COBLL1: variants seen among roughly 807,000 people sequenced by gnomAD.
COBLL1 encodes the protein cordon-bleu protein-like 1.
In COBLL1, 50 loss-of-function variants were observed where a neutral mutation model predicts 94.8. The observed-to-expected ratio is 0.53, with a 90% confidence interval of 0.42 to 0.67. The LOEUF (loss-of-function observed/expected upper bound fraction) is 0.67. COBLL1 is among the 30% of genes least tolerant of loss of function. The pLI, the probability that COBLL1 is intolerant of heterozygous loss-of-function variation, is 0.00. For missense variants in COBLL1, 1,362 were observed against 1,348.7 expected (o/e 1.01, Z -0.15); for synonymous variants, 448 against 473.8 (o/e 0.95, Z 0.71).
intron 2 of COBLL1, among the ~76,000 whole-genome samples, chr2:164,783,111 C>T (rs1051674314): frequency 3.3e-5 from 5 of 152,004 alleles, no homozygotes; most frequent in African/African-American, 1.2e-4. Context: ...TTCAGAAAGG[C>T]AAGATGAAGG....
intron 7 of COBLL1, among the ~76,000 whole-genome samples, chr2:164,718,896 T>C (rs755631822): frequency 2.6e-5 from 4 of 151,894 alleles, no homozygotes; most frequent in South Asian, 4.2e-4. Context: ...TGGTTAGAGA[T>C]AGAAGTATCC....
chr2:164,696,471 G>A (rs1017074901), intron 11 of COBLL1: 1 of 152,080 alleles, frequency 6.6e-6, no homozygotes, highest in African/African-American at 2.4e-5. Context: ...GCTGTTAGAG[G>A]ACTTTATTTT....
intron 2 of COBLL1, among the ~76,000 whole-genome samples, chr2:164,776,567 GT>G (rs34783312): frequency 1.3e-5 from 2 of 150,776 alleles, no homozygotes; most frequent in South Asian, 2.1e-4. Context: ...ATTTATCACT[GT>G]TTTTTTTTAA....
downstream of COBLL1, among the ~76,000 whole-genome samples, chr2:164,678,604 T>C (rs1431207386): frequency 6.6e-6 from 1 of 152,108 alleles, no homozygotes; most frequent in Non-Finnish European, 1.5e-5. Flanking sequence ...ATGCATTCAA[T>C]TATGTTAATA....
intron 2 of COBLL1, among the ~76,000 whole-genome samples, chr2:164,830,443 T>C (rs2105380272): frequency 6.6e-6 from 1 of 152,310 alleles, no homozygotes; most frequent in African/African-American, 2.4e-5. Context: ...ATGCATAACC[T>C]TAGTGTACTA....
chr2:164,796,907 C>T (rs1341516809), intron 2 of COBLL1, among the ~76,000 whole-genome samples: 2 of 151,892 alleles, frequency 1.3e-5, no homozygotes, highest in Non-Finnish European at 2.9e-5. Flanking sequence ...CCCAGGAGTT[C>T]AAGGTTACTG....
At chr2:164,824,535 T>C (rs1021875680) in intron 2 of COBLL1, among the ~76,000 whole-genome samples, 3 of 152,210 alleles carry the variant, frequency 2.0e-5, no homozygotes, top group Admixed American at 6.5e-5. Flanking sequence ...AAGTCCATTA[T>C]GCACGTTCAC....
chr2:164,680,839 T>G lies in COBLL1; in HGVS notation c.*5107A>C, dbSNP rs1683007468. The stretch of plus-strand genomic sequence containing the variant: ...TTGCAATCCTGTGAAATAGACAAAT[T>G]TAATGACCTTCTGAAGGGGGTCTAG... On this transcript the variant is annotated 3_prime_UTR_variant, in exon 14 of 14. Coordinates refer to ENST00000652658, the MANE Select transcript of COBLL1 (RefSeq NM_001365672.2). The G allele has an allele frequency of 6.6e-6, 1 of 152,122 alleles. No individual in the cohort carries two copies. The highest frequency in any genetic ancestry group is 2.1e-4 in the South Asian group (1 of 4,826). The allele number at this position is 152,122 out of a possible 1,614,324, so 9.4% of individuals were successfully genotyped here.
chr2:164,771,994 G>A (rs903691821), intron 2 of COBLL1: 7 of 151,746 alleles, frequency 4.6e-5, no homozygotes, highest in African/African-American at 1.2e-4. Flanking sequence ...TCTAAAGAAC[G>A]TATGCATAGT....
At chr2:164,698,275 T>C (rs1027986420) in intron 11 of COBLL1, 7 of 151,816 alleles carry the variant, frequency 4.6e-5, no homozygotes, top group African/African-American at 1.7e-4. Flanking sequence ...GAAAAAATTA[T>C]TTGCTTTTAG....
intron 2 of COBLL1, among the ~76,000 whole-genome samples, chr2:164,813,869 C>A (rs1186223482): frequency 6.6e-6 from 1 of 152,088 alleles, no homozygotes; most frequent in African/African-American, 2.4e-5. Context: ...TAAGATCTTA[C>A]CAGCATGTGC....
chr2:164,690,792 T>C (rs186503270), intron 13 of COBLL1, among the ~76,000 whole-genome samples: 4 of 152,268 alleles, frequency 2.6e-5, no homozygotes, highest in East Asian at 1.9e-4. Context: ...TTGTTACTTA[T>C]GTGCTTTAAA....
At chr2:164,809,983 T>C in intron 2 of COBLL1, among the ~76,000 whole-genome samples, 1 of 151,744 alleles carries the variant, frequency 6.6e-6, no homozygotes, top group East Asian at 1.9e-4. Context: ...TCTATCTTCT[T>C]TTACTTTGAG....
chr2:164,829,979 A>C (rs1241234949), intron 2 of COBLL1, among the ~76,000 whole-genome samples: 2 of 152,216 alleles, frequency 1.3e-5, no homozygotes, highest in African/African-American at 4.8e-5. Flanking sequence ...ATAGATCCAC[A>C]TTCTGAAAAA....
At chr2:164,781,501 G>T (rs1195743573) in intron 2 of COBLL1, among the ~76,000 whole-genome samples, 1 of 152,138 alleles carries the variant, frequency 6.6e-6, no homozygotes, top group Admixed American at 6.5e-5. Context: ...CAGACACTTT[G>T]TAAAGTGCTG....
chr2:164,685,707 T>C lies in COBLL1; in HGVS notation c.*239A>G, dbSNP rs1683241997. ...GTAAAAAATGAAAATCATTTACACCTTGTTTTAAAGTTCTAAAGCAGCATA... is the reference window on the plus strand; with the variant it reads ...GTAAAAAATGAAAATCATTTACACCCTGTTTTAAAGTTCTAAAGCAGCATA... On this transcript the variant is annotated 3_prime_UTR_variant, in exon 14 of 14. Coordinates refer to ENST00000652658, the MANE Select transcript of COBLL1 (RefSeq NM_001365672.2). The C allele has an allele frequency of 2.9e-6, 1 of 339,404 alleles. No homozygotes were observed. The highest frequency in any genetic ancestry group is 4.7e-5 in the Admixed American group (1 of 21,290). The allele number at this position is 339,404 out of a possible 1,614,324, so 21.0% of individuals were successfully genotyped here.
intron 2 of COBLL1, among the ~76,000 whole-genome samples, chr2:164,785,249 T>A (rs1173717621): frequency 1.3e-5 from 2 of 152,054 alleles, no homozygotes; most frequent in African/African-American, 4.8e-5. Flanking sequence ...ATTAGCTGGG[T>A]GTAGTGGCAT....
intron 7 of COBLL1, among the ~76,000 whole-genome samples, chr2:164,719,211 A>G (rs1316376698): frequency 6.6e-6 from 1 of 152,176 alleles, no homozygotes; most frequent in Non-Finnish European, 1.5e-5. Context: ...AAAAAGAAAA[A>G]AAAACAAAGA....
At chr2:164,721,653 C>A (rs3769882) in intron 7 of COBLL1, among the ~76,000 whole-genome samples, 1 of 152,098 alleles carries the variant, frequency 6.6e-6, no homozygotes, top group Non-Finnish European at 1.5e-5. Flanking sequence ...CAAGAAAATA[C>A]GTGTGGTTAG....
Sources: gnomAD v4.1 joint callset for allele counts (sites outside exome capture counted in the v4.1 genomes callset) on GRCh38, gnomAD v4.1.1 for gene constraint, MANE v1.5 for transcripts, NCBI Gene and HGNC (gene_info 2026-07-23, HGNC 2026-07-21) for gene names.